Variants in SYT1 observed in about 807,000 individuals in gnomAD.
SYT1 encodes the protein synaptotagmin-1.
A neutral mutation model predicts 44.8 loss-of-function variants in SYT1; 8 were observed. The ratio of observed to expected loss-of-function variants is 0.18; its 90% CI spans 0.10 to 0.32. SYT1 has a LOEUF of 0.32. Ranked by LOEUF, SYT1 falls within the 10% of genes least tolerant of loss-of-function variation. The pLI is 1.00. For missense variants in SYT1, 286 were observed against 509.3 expected, an observed-to-expected ratio of 0.56 and a Z score of 4.22; for synonymous variants, 154 against 188.8, an observed-to-expected ratio of 0.82 and a Z score of 1.51.
chr12:79,231,607 G>C (rs1875872456), intron 4 of SYT1, among the ~76,000 whole-genome samples: 1 of 152,122 alleles, frequency 6.6e-6, no homozygotes, highest in African/African-American at 2.4e-5. Context: ...AAAGAGCCAG[G>C]ATCTTGGGAC....
At chr12:79,418,504 C>T (rs1040137736) in intron 9 of SYT1, among the ~76,000 whole-genome samples, 5 of 152,096 alleles carry the variant, frequency 3.3e-5, no homozygotes, top group African/African-American at 1.2e-4. Flanking sequence ...ACCTGTTAGA[C>T]AGTAAACCAA....
chr12:79,246,807 T>C (rs1055054261), intron 4 of SYT1, among the ~76,000 whole-genome samples: 1 of 152,232 alleles, frequency 6.6e-6, no homozygotes, highest in Non-Finnish European at 1.5e-5. Context: ...GCAATTATCG[T>C]TAATTCTATC....
intron 4 of SYT1, among the ~76,000 whole-genome samples, chr12:79,260,944 A>C (rs1354367611): frequency 1.3e-5 from 2 of 152,168 alleles, no homozygotes; most frequent in African/African-American, 4.8e-5. Flanking sequence ...GAGTCCGTCT[A>C]CCTGCAGAAA....
At chr12:79,231,986 A>G (rs1274578655) in intron 4 of SYT1, among the ~76,000 whole-genome samples, 3 of 152,186 alleles carry the variant, frequency 2.0e-5, no homozygotes, top group Admixed American at 2.0e-4. Flanking sequence ...TTGTAGTATG[A>G]GCTGCAAAGT....
At chr12:79,305,111 C>G (rs555298454) in intron 8 of SYT1, among the ~76,000 whole-genome samples, 17 of 152,150 alleles carry the variant, frequency 1.1e-4, no homozygotes, top group Admixed American at 2.0e-4. Flanking sequence ...TGAAATATCT[C>G]TCTAGTATGT....
rs149710833 is a variant in SYT1, at chr12:79,196,794, A to T, written c.-17-20709A>T. 4.5e-3 allele frequency among the ~76,000 whole-genome samples: 687 copies of T among 152,360 alleles called. 6 individuals carry two copies. The highest frequency in any genetic ancestry group is 0.016 in the African/African-American group (648 of 41,590). On this transcript the variant is annotated intron_variant, in intron 3 of 10. Coordinates refer to ENST00000261205, the MANE Select transcript of SYT1 (RefSeq NM_005639.3). ...ATCAATTAGGGAAACAATTAGTTCC[A>T]GTTTCTACAATTCATTTGATGTTGT... is the stretch of plus-strand genomic sequence containing the variant.
At chr12:79,141,554 T>C (rs1223542167) in intron 3 of SYT1, among the ~76,000 whole-genome samples, 3 of 152,240 alleles carry the variant, frequency 2.0e-5, no homozygotes, top group Non-Finnish European at 4.4e-5. Context: ...TATTTTGAAT[T>C]TCATAGTCCA....
chr12:78,994,913 C>T (rs1870271326), intron 2 of SYT1, among the ~76,000 whole-genome samples: 1 of 151,948 alleles, frequency 6.6e-6, no homozygotes, highest in Admixed American at 6.6e-5. Context: ...TTTTTCAGAG[C>T]TCTCACTTTG....
At chr12:79,232,416 C>T (rs966812498) in intron 4 of SYT1, among the ~76,000 whole-genome samples, 20 of 152,218 alleles carry the variant, frequency 1.3e-4, no homozygotes, top group African/African-American at 4.8e-4. Context: ...TTCGCCCTCA[C>T]ACAGTTTGCT....
intron 1 of SYT1, among the ~76,000 whole-genome samples, chr12:78,927,839 C>T (rs1305830099): frequency 6.6e-6 from 1 of 152,096 alleles, no homozygotes; most frequent in Admixed American, 6.6e-5. Flanking sequence ...CCGTCTATAG[C>T]ATAATACTAA....
chr12:79,266,395 T>C (rs1878128133), intron 4 of SYT1, among the ~76,000 whole-genome samples: 1 of 143,802 alleles, frequency 7.0e-6, no homozygotes, highest in Admixed American at 7.0e-5. Context: ...GGGAGCAATG[T>C]CTTATTTTGG....
At chr12:79,148,657 A>T (rs529262113) in intron 3 of SYT1, among the ~76,000 whole-genome samples, 15 of 152,282 alleles carry the variant, frequency 9.9e-5, no homozygotes, top group Admixed American at 3.3e-4. Flanking sequence ...GCACTATGCT[A>T]TGGAAACAGA....
At chr12:79,364,108 A>T (rs1282526502) in intron 9 of SYT1, among the ~76,000 whole-genome samples, 5 of 152,194 alleles carry the variant, frequency 3.3e-5, no homozygotes, top group African/African-American at 1.2e-4. Context: ...ATATAGTAGT[A>T]ATCCTATTAT....
intron 2 of SYT1, among the ~76,000 whole-genome samples, chr12:79,011,466 A>T (rs1871402966): frequency 6.6e-6 from 1 of 152,074 alleles, no homozygotes; most frequent in Non-Finnish European, 1.5e-5. Flanking sequence ...CCTAAGAATA[A>T]ATAAGAGTTA....
At chr12:78,955,123 A>C (rs897383119) in intron 1 of SYT1, among the ~76,000 whole-genome samples, 1 of 152,120 alleles carries the variant, frequency 6.6e-6, no homozygotes, top group African/African-American at 2.4e-5. Flanking sequence ...TTTTGATGTC[A>C]TTAATGCCGT....
At chr12:79,326,994 T>G (rs1225405600) in intron 8 of SYT1, among the ~76,000 whole-genome samples, 2 of 152,176 alleles carry the variant, frequency 1.3e-5, no homozygotes, top group African/African-American at 4.8e-5. Context: ...TCTAGTATTT[T>G]GATTACTGCA....
At chr12:79,269,951 T>C (rs915054954) in intron 4 of SYT1, among the ~76,000 whole-genome samples, 1 of 152,212 alleles carries the variant, frequency 6.6e-6, no homozygotes, top group Non-Finnish European at 1.5e-5. Context: ...AGACTTTACA[T>C]ACTTTTTCAA....
At chr12:79,147,696 A>G (rs964833932) in intron 3 of SYT1, among the ~76,000 whole-genome samples, 14 of 152,208 alleles carry the variant, frequency 9.2e-5, no homozygotes, top group African/African-American at 3.4e-4. Context: ...ATGATTAAAA[A>G]TATGTCAACT....
intron 2 of SYT1, among the ~76,000 whole-genome samples, chr12:78,993,942 A>G (rs943590044): frequency 6.6e-6 from 1 of 152,208 alleles, no homozygotes; most frequent in Non-Finnish European, 1.5e-5. Context: ...AATAAAGCTG[A>G]CACAACTTAA....
Sources: allele counts gnomAD v4.1 joint callset (sites outside exome capture counted in the v4.1 genomes callset), GRCh38; gene constraint gnomAD v4.1.1; transcripts MANE v1.5; gene names NCBI Gene and HGNC (gene_info 2026-07-23, HGNC 2026-07-21).